PPIH: variants seen among roughly 807,000 people sequenced by gnomAD.
PPIH encodes peptidyl-prolyl cis-trans isomerase H.
Under a neutral mutation model 27.6 loss-of-function variants are expected in PPIH, and 16 were observed. That is an observed-to-expected ratio of 0.58 (90% CI 0.39 to 0.88). PPIH has a LOEUF of 0.88. PPIH is among the 40% of genes least tolerant of loss of function. PPIH has a pLI of 0.00. For missense variants in PPIH, 155 were observed against 224.1 expected, an observed-to-expected ratio of 0.69 and a Z score of 1.97; for synonymous variants, 63 against 76.1, an observed-to-expected ratio of 0.83 and a Z score of 0.90.
intron 5 of PPIH, among the ~76,000 whole-genome samples, chr1:42,663,403 CT>C (rs916189112): frequency 1.6e-3 from 229 of 144,686 alleles, no homozygotes; most frequent in Admixed American, 1.6e-3. Context: ...AAATTCAGAT[CT>C]TTTTTTTTTT....
chr1:42,668,395 T>C (rs1649457789), intron 9 of PPIH, among the ~76,000 whole-genome samples: 1 of 152,086 alleles, frequency 6.6e-6, no homozygotes, highest in Non-Finnish European at 1.5e-5. Context: ...CCTTCCTTTC[T>C]TCCCATCTTC....
In PPIH at chr1:42,664,214, G is replaced by A. The variant is rs536399149; in HGVS notation, c.244-649G>A. On this transcript the variant is annotated intron_variant, in intron 5 of 9. Transcript: ENST00000304979. The stretch of plus-strand genomic sequence containing the variant: ...CTTTATCTCCGTTTCTCTAGTGCTC[G>A]CTACACATCTGTGTTGTGTTCTCTC... 5.3e-5 allele frequency among the ~76,000 whole-genome samples: 8 copies of A among 152,272 alleles called. No homozygotes were observed. The South Asian group carries it at 8.3e-4, about 16-fold the overall frequency.
At chr1:42,679,749 T>A (rs1557524761), downstream of PPIH, among the ~76,000 whole-genome samples, 1 of 152,236 alleles carries the variant, frequency 6.6e-6, no homozygotes, top group African/African-American at 2.4e-5. Context: ...GGCATGCTTT[T>A]AAATGTCCTC....
chr1:42,673,952 G>A (rs935050276), intron 9 of PPIH, among the ~76,000 whole-genome samples: 1 of 152,246 alleles, frequency 6.6e-6, no homozygotes, highest in African/African-American at 2.4e-5. Flanking sequence ...ACCTATAGAT[G>A]CGAGACATTC....
chr1:42,679,344 C>A (rs1171064116), downstream of PPIH, among the ~76,000 whole-genome samples: 1 of 152,196 alleles, frequency 6.6e-6, no homozygotes, highest in Non-Finnish European at 1.5e-5. Flanking sequence ...CACATGCCAC[C>A]ATGCCCAGAT....
intron 4 of PPIH, among the ~76,000 whole-genome samples, chr1:42,659,827 T>TA (rs1648904084): frequency 6.6e-6 from 1 of 152,246 alleles, no homozygotes; most frequent in Non-Finnish European, 1.5e-5. Flanking sequence ...GCAGATTTTT[T>TA]AAAAAGTACA....
intron 2 of PPIH, 54 bp downstream of exon 2, chr1:42,658,962 G>C (rs1289995361): frequency 1.9e-6 from 3 of 1,580,242 alleles, no homozygotes; most frequent in African/African-American, 2.7e-5. Flanking sequence ...TCGGGCTCCA[G>C]TCAGCCGCCT....
intron 4 of PPIH, 58 bp from the exon 5 acceptor site, chr1:42,660,804 A>T: frequency 7.3e-7 from 1 of 1,361,120 alleles, no homozygotes; most frequent in East Asian, 2.3e-5. Context: ...AATAATAACA[A>T]CATCTATGTT....
downstream of PPIH, among the ~76,000 whole-genome samples, chr1:42,678,333 G>C (rs186317502): frequency 9.8e-5 from 15 of 152,306 alleles, no homozygotes; most frequent in African/African-American, 3.4e-4. Context: ...ATAGGAGACA[G>C]GGACAGTTTC....
intron 4 of PPIH, 82 bp from the exon 5 acceptor site, chr1:42,660,780 C>T (rs1053669088): frequency 4.6e-5 from 56 of 1,207,544 alleles, no homozygotes; most frequent in Middle Eastern, 2.8e-4. Flanking sequence ...TTGAAATCAA[C>T]GTTAATCTAA....
downstream of PPIH, chr1:42,681,626 C>G (rs1650019796): frequency 6.6e-6 from 1 of 152,204 alleles, no homozygotes; most frequent in African/African-American, 2.4e-5. Context: ...AACAGGCTAG[C>G]TTGTTCAATA....
chr1:42,673,383 T>C (rs1649739032), intron 9 of PPIH, among the ~76,000 whole-genome samples: 1 of 152,220 alleles, frequency 6.6e-6, no homozygotes, highest in African/African-American at 2.4e-5. Context: ...TGTTTGCTAC[T>C]TACATGGACA....
intron 5 of PPIH, 63 bp from the exon 6 acceptor site, chr1:42,664,800 C>T: frequency 7.6e-7 from 1 of 1,308,540 alleles, no homozygotes; most frequent in South Asian, 1.3e-5. Context: ...CGACAGTGTT[C>T]TTCCTCCGGT....
intron 3 of PPIH, 109 bp from the exon 4 acceptor site, chr1:42,659,413 A>C: frequency 6.2e-7 from 1 of 1,614,062 alleles, no homozygotes; most frequent in Non-Finnish European, 8.5e-7. Flanking sequence ...TGCCTTCTTT[A>C]TGTCTGTCAA....
chr1:42,678,525 G>A (rs1282096338), downstream of PPIH, among the ~76,000 whole-genome samples: 2 of 152,078 alleles, frequency 1.3e-5, no homozygotes, highest in South Asian at 2.1e-4. Context: ...TCAGCCTCTC[G>A]AGTAGCTGGG....
chr1:42,673,700 A>G lies in PPIH; in HGVS notation c.*22-2884A>G, dbSNP rs115812173. 2.9e-3 allele frequency among the ~76,000 whole-genome samples: 442 copies of G among 152,326 alleles called. 1 individual carries two copies. The highest frequency in any genetic ancestry group is 0.01 in the African/African-American group (422 of 41,562). On this transcript the variant is annotated intron_variant, in intron 9 of 9. Coordinates refer to ENST00000304979, the MANE Select transcript of PPIH (RefSeq NM_006347.4). The stretch of plus-strand genomic sequence containing the variant: ...TTAATAGAGAAGTGTGGGAAACACT[A>G]CTTTAGTTAGTGGTGGGATGACTGT...
At position 42,658,488 on chromosome 1, in the gene PPIH, C is replaced by T. The variant is rs760016167; in HGVS notation, c.42C>T (p.Phe14=). The T allele has an allele frequency of 1.2e-6, 2 of 1,614,128 alleles. No homozygotes were observed. Among genetic ancestry groups the T allele is most frequent in the Non-Finnish European group, 1.7e-6 (2 of 1,179,964 alleles). Residue 14 remains phenylalanine (F), a synonymous_variant, in exon 1 of 10, where the codon TTC becomes TTT. Coordinates refer to ENST00000304979, the MANE Select transcript of PPIH (RefSeq NM_006347.4). ...CAAGTCCTGTTAACCCCGTGGTGTTCTTTGATGTCAGTATTGGCGGTCAGG... is the reference window on the plus strand; with the variant it reads ...CAAGTCCTGTTAACCCCGTGGTGTTTTTTGATGTCAGTATTGGCGGTCAGG... ...ANSSPVNPVV[F]FDVSIGGQEV... is the part of the protein sequence containing the mutation.
intron 9 of PPIH, among the ~76,000 whole-genome samples, chr1:42,672,297 G>T (rs1198700478): frequency 1.3e-5 from 2 of 152,084 alleles, no homozygotes; most frequent in African/African-American, 2.4e-5. Flanking sequence ...TTTCTAATCA[G>T]CTCTCAGGTG....
At chr1:42,677,566 CAGA>C (rs1649927532), downstream of PPIH, among the ~76,000 whole-genome samples, 3 of 152,328 alleles carry the variant, frequency 2.0e-5, no homozygotes, top group South Asian at 6.2e-4. Flanking sequence ...CACAGCTACT[CAGA>C]AGCCTGAGGT....
Sources: gnomAD v4.1 joint callset for allele counts (sites outside exome capture counted in the v4.1 genomes callset) on GRCh38, gnomAD v4.1.1 for gene constraint, MANE v1.5 for transcripts, NCBI Gene and HGNC (gene_info 2026-07-23, HGNC 2026-07-21) for gene names.